Variants in FOCAD observed in about 807,000 individuals in gnomAD.
FOCAD encodes the protein focadhesin.
FOCAD carries 198 observed loss-of-function variants against 225.6 expected under a neutral mutation model. That is an observed-to-expected ratio of 0.88 (90% confidence interval 0.78 to 0.99). The LOEUF (loss-of-function observed/expected upper bound fraction) is 0.99. FOCAD is among the 50% of genes least tolerant of loss of function. The pLI, the probability that FOCAD is intolerant of heterozygous loss-of-function variation, is 0.00. For synonymous variants in FOCAD, 897 were observed against 755.0 expected, an observed-to-expected ratio of 1.19 and a Z score of -3.08; for missense variants, 2,713 against 2,123.6, an observed-to-expected ratio of 1.28 and a Z score of -5.46.
chr9:20,656,929 C>T (rs1372820019), upstream of FOCAD, among the ~76,000 whole-genome samples: 2 of 151,518 alleles, frequency 1.3e-5, no homozygotes, highest in African/African-American at 4.8e-5. Flanking sequence ...TTGTTCCTTT[C>T]CATGTTTAGC....
chr9:20,764,525 T>A lies in FOCAD; in HGVS notation c.495-344T>A, dbSNP rs150371562. On this transcript the variant is annotated intron_variant, in intron 6 of 43. Transcript: ENST00000338382. ...CCTCGGCCTCCCAAAGTGCTGGGATTTTTATAGGCGTGAGCCTCCGTGCCC... is the reference window on the plus strand; with the variant it reads ...CCTCGGCCTCCCAAAGTGCTGGGATATTTATAGGCGTGAGCCTCCGTGCCC... Among the ~76,000 whole-genome samples the A allele has an allele frequency of 7.1e-3, 1,084 of 152,220 alleles. 14 individuals are homozygous for A. Among genetic ancestry groups the A allele is most frequent in the African/African-American group, 0.025 (1,054 of 41,484 alleles).
At chr9:20,681,044 G>GC (rs1390477384), upstream of FOCAD, among the ~76,000 whole-genome samples, 4 of 152,010 alleles carry the variant, frequency 2.6e-5, no homozygotes, top group Admixed American at 2.0e-4. Flanking sequence ...CCCAACCACA[G>GC]CCCCCCACAA....
chr9:20,879,984 A>G (rs1009258638), intron 19 of FOCAD, among the ~76,000 whole-genome samples: 1 of 152,166 alleles, frequency 6.6e-6, no homozygotes, highest in Non-Finnish European at 1.5e-5. Flanking sequence ...TAGTGCCTCT[A>G]CCCTCACAAA....
chr9:20,700,889 G>C (rs996650098), intron 1 of FOCAD, among the ~76,000 whole-genome samples: 5 of 152,182 alleles, frequency 3.3e-5, no homozygotes, highest in Admixed American at 2.6e-4. Context: ...GACCCTGAAG[G>C]GGGTGAACAA....
chr9:20,828,859 A>G (rs1587328466), intron 15 of FOCAD, among the ~76,000 whole-genome samples: 1 of 151,892 alleles, frequency 6.6e-6, no homozygotes, highest in African/African-American at 2.4e-5. Flanking sequence ...CATTGTTCAA[A>G]TCCCACTTAT....
At chr9:20,858,989 T>C (rs1828498298) in intron 15 of FOCAD, among the ~76,000 whole-genome samples, 1 of 152,168 alleles carries the variant, frequency 6.6e-6, no homozygotes, top group African/African-American at 2.4e-5. Context: ...TTTAGACTTG[T>C]TTTGTGGTCT....
chr9:20,754,477 A>C (rs1000342381), intron 5 of FOCAD, among the ~76,000 whole-genome samples: 1 of 151,826 alleles, frequency 6.6e-6, no homozygotes, highest in African/African-American at 2.4e-5. Flanking sequence ...CCATAAGAAA[A>C]TCACAACTCT....
chr9:20,950,961 A>T (rs1837630632), intron 33 of FOCAD, 35 bp from the exon 34 acceptor site: 9 of 1,554,420 alleles, frequency 5.8e-6, no homozygotes, highest in Non-Finnish European at 8.0e-6. Context: ...CTTGGATCTT[A>T]TCCCATCATT....
chr9:20,758,579 T>C (rs1829281201), intron 6 of FOCAD, among the ~76,000 whole-genome samples: 1 of 143,118 alleles, frequency 7.0e-6, no homozygotes. Context: ...TGTGTTCTCA[T>C]TGTTCAATTC....
intron 26 of FOCAD, among the ~76,000 whole-genome samples, chr9:20,928,075 A>G (rs1835127727): frequency 6.6e-6 from 1 of 152,190 alleles, no homozygotes; most frequent in Non-Finnish European, 1.5e-5. Flanking sequence ...TTAATGATGA[A>G]TGAAAACTTT....
chr9:20,701,372 A>T (rs1019172156), intron 1 of FOCAD, among the ~76,000 whole-genome samples: 8 of 152,246 alleles, frequency 5.3e-5, no homozygotes, highest in Non-Finnish European at 1.2e-4. Flanking sequence ...TTCACCTGTC[A>T]CATGGTGAGG....
At chr9:20,965,773 G>T (rs1017030778) in intron 35 of FOCAD, among the ~76,000 whole-genome samples, 1 of 152,122 alleles carries the variant, frequency 6.6e-6, no homozygotes, top group African/African-American at 2.4e-5. Flanking sequence ...TCATTTAAAT[G>T]GAACCATACA....
At chr9:20,739,633 T>G (rs987156021) in intron 4 of FOCAD, among the ~76,000 whole-genome samples, 1 of 152,086 alleles carries the variant, frequency 6.6e-6, no homozygotes, top group Non-Finnish European at 1.5e-5. Flanking sequence ...TTTTTAAATT[T>G]AACAAATAGT....
chr9:20,767,432 G>C (rs1021842965), intron 7 of FOCAD, among the ~76,000 whole-genome samples: 5 of 144,542 alleles, frequency 3.5e-5, no homozygotes, highest in Admixed American at 6.9e-5. Context: ...CTAGTTTACA[G>C]TCCCACCAAC....
intron 36 of FOCAD, among the ~76,000 whole-genome samples, chr9:20,977,521 C>G (rs940299129): frequency 1.3e-5 from 2 of 152,094 alleles, no homozygotes; most frequent in Admixed American, 6.6e-5. Context: ...ACCCTAACTC[C>G]AAAAATAAAG....
At position 20,764,985 on chromosome 9, in the gene FOCAD, A is replaced by G; in HGVS notation, c.611A>G (p.Gln204Arg). The G allele has an allele frequency of 1.9e-6, 3 of 1,614,138 alleles. No homozygotes were observed. The South Asian group carries it at 3.3e-5, about 18-fold the overall frequency. ...CTAGCCCTGCTGAAAGTCTTACTTCAACCCCAGGTTCTTTGTGACAAAGAT... is the reference window on the plus strand; with the variant it reads ...CTAGCCCTGCTGAAAGTCTTACTTCGACCCCAGGTTCTTTGTGACAAAGAT... ...LRLALLKVLLQPQVLCDKDQP... is the reference protein window; with the variant it reads ...LRLALLKVLLRPQVLCDKDQP... Residue 204 changes from glutamine to arginine, a missense_variant, in exon 7 of 44, where the codon CAA becomes CGA. By Grantham distance (43) the Gln-to-Arg change is conservative (BLOSUM62 1). Transcript: ENST00000338382.
At chr9:20,755,288 A>G (rs756236508) in intron 5 of FOCAD, among the ~76,000 whole-genome samples, 8 of 152,144 alleles carry the variant, frequency 5.3e-5, no homozygotes, top group Non-Finnish European at 7.3e-5. Flanking sequence ...ACTTAATCTC[A>G]TTTTTTGAAT....
intron 20 of FOCAD, among the ~76,000 whole-genome samples, chr9:20,882,772 A>C (rs547210983): frequency 6.6e-6 from 1 of 152,314 alleles, no homozygotes; most frequent in Admixed American, 6.5e-5. Flanking sequence ...CACAAGGCCA[A>C]TTTCTCTCAA....
rs1826929831 is a variant in FOCAD, at chr9:20,844,953, A to G, written c.1921-17625A>G. 2.0e-5 allele frequency among the ~76,000 whole-genome samples: 3 copies of G among 151,798 alleles called. No individual in the cohort carries two copies. In the South Asian group the frequency reaches 6.3e-4, roughly 32 times the overall value. On this transcript the variant is annotated intron_variant, in intron 15 of 43. Transcript: ENST00000338382. ...ATATTTGACAACTTGACTTACTGTA[A>G]ATGTTTATTTTCATGTTTGTATTTC... is the stretch of plus-strand genomic sequence containing the variant.
Sources: gnomAD v4.1 joint callset for allele counts (sites outside exome capture counted in the v4.1 genomes callset) on GRCh38, gnomAD v4.1.1 for gene constraint, MANE v1.5 for transcripts, NCBI Gene and HGNC (gene_info 2026-07-23, HGNC 2026-07-21) for gene names.